Variants in PKHD1 observed in about 807,000 individuals in gnomAD.
PKHD1 encodes PKHD1 ciliary IPT domain containing fibrocystin/polyductin.
In PKHD1, 291 loss-of-function variants were observed where a neutral mutation model predicts 412.0. The observed-to-expected ratio is 0.71, with a 90% CI of 0.64 to 0.78. The LOEUF is 0.78. Ranked by LOEUF, PKHD1 falls within the 30% of genes least tolerant of loss-of-function variation. The pLI is 0.00. For missense variants in PKHD1, 4,825 were observed against 4,950.7 expected (o/e 0.97, Z 0.76); for synonymous variants, 1,777 against 1,821.5 (o/e 0.98, Z 0.62).
intron 60 of PKHD1, among the ~76,000 whole-genome samples, chr6:51,736,594 C>A (rs1251578791): frequency 2.0e-5 from 3 of 152,156 alleles, no homozygotes; most frequent in African/African-American, 4.8e-5. Context: ...TAAATATCTG[C>A]TGAAATTAAA....
chr6:51,887,452 T>C (rs1326913102), intron 43 of PKHD1, among the ~76,000 whole-genome samples: 3 of 152,184 alleles, frequency 2.0e-5, no homozygotes, highest in African/African-American at 7.2e-5. Context: ...CCTGCCCATA[T>C]CTCAGGTTGA....
At chr6:51,971,064 ATTTG>A (rs1436281760) in intron 35 of PKHD1, among the ~76,000 whole-genome samples, 1 of 152,064 alleles carries the variant, frequency 6.6e-6, no homozygotes, top group Non-Finnish European at 1.5e-5. Flanking sequence ...TGTTTTTTCC[ATTTG>A]TTTGTGTCAT....
At position 52,083,051 on chromosome 6, in the gene PKHD1, C is replaced by T. The variant is rs1328087553; in HGVS notation, c.130+127G>A. ...TCTAGAAAGACAGAAGTTGGTCAGTCTGTTCGTCTCCCTTCAGGCCCACTT... is the reference window on the plus strand; with the variant it reads ...TCTAGAAAGACAGAAGTTGGTCAGTTTGTTCGTCTCCCTTCAGGCCCACTT... On this transcript the variant is annotated intron_variant, in intron 3 of 66. Coordinates refer to ENST00000371117, the MANE Select transcript of PKHD1 (RefSeq NM_138694.4). 4 of 730,990 alleles carry T rather than the reference C, an allele frequency of 5.5e-6. No individual in the cohort carries two copies. In the Admixed American group the frequency reaches 7.7e-5, roughly 14 times the overall value. 45.3% of individuals were successfully genotyped at this position (730,990 alleles called of 1,614,324 possible). A position where few individuals can be genotyped will look rare whatever the true frequency, so the allele number is the denominator to read the frequency against.
chr6:51,805,294 TA>T (rs1763593675), intron 52 of PKHD1, among the ~76,000 whole-genome samples: 1 of 152,134 alleles, frequency 6.6e-6, no homozygotes, highest in Non-Finnish European at 1.5e-5. Context: ...AACTAAATAC[TA>T]CATGTTCTCA....
chr6:51,940,449 TTAC>T (rs1788312529), intron 36 of PKHD1, among the ~76,000 whole-genome samples: 1 of 151,698 alleles, frequency 6.6e-6, no homozygotes, highest in African/African-American at 2.4e-5. Flanking sequence ...CCCCAGGAGC[TTAC>T]TACAAGTGCT....
intron 60 of PKHD1, among the ~76,000 whole-genome samples, chr6:51,677,243 C>A (rs991902464): frequency 2.0e-5 from 3 of 152,126 alleles, no homozygotes; most frequent in Non-Finnish European, 4.4e-5. Flanking sequence ...AATTCATTTT[C>A]AGATTGCCTT....
chr6:52,042,017 A>T (rs896140251), intron 27 of PKHD1, among the ~76,000 whole-genome samples: 6 of 152,136 alleles, frequency 3.9e-5, no homozygotes, highest in African/African-American at 1.4e-4. Context: ...AGAAAACTAC[A>T]CTATGCCCTA....
chr6:51,714,428 AAC>A (rs1306732299), intron 60 of PKHD1, among the ~76,000 whole-genome samples: 1 of 152,058 alleles, frequency 6.6e-6, no homozygotes, highest in Non-Finnish European at 1.5e-5. Flanking sequence ...CCTTCCAATG[AAC>A]ACTCACCTTT....
chr6:51,952,435 G>A (rs918228982), intron 36 of PKHD1, among the ~76,000 whole-genome samples: 4 of 152,024 alleles, frequency 2.6e-5, no homozygotes, highest in African/African-American at 4.8e-5. Context: ...TACCTGTTTC[G>A]TGCCTGGAGA....
Position 52,070,524 on chromosome 6 carries a change from A to G in PKHD1, c.668-79T>C, listed in dbSNP as rs558987427. On this transcript the variant is annotated intron_variant, in intron 9 of 66. Coordinates refer to ENST00000371117, the MANE Select transcript of PKHD1 (RefSeq NM_138694.4). ...CCAGGCCATTGCTTTCATAAGCCCA[A>G]AGACTCCAATATCATCAAATTACCA... 1.1e-5 allele frequency: 11 copies of G among 1,031,906 alleles called. No individual in the cohort carries two copies. The East Asian group carries it at 2.6e-4, about 25-fold the overall frequency. The allele number at this position is 1,031,906 out of a possible 1,614,324, so 63.9% of individuals were successfully genotyped here.
chr6:52,065,083 G>T (rs1294123988), intron 12 of PKHD1, 33 bp from the exon 13 acceptor site: 1 of 990,672 alleles, frequency 1.0e-6, no homozygotes, highest in Non-Finnish European at 1.5e-6. Context: ...ATGTATGTGT[G>T]TGTGTGTAGG....
intron 52 of PKHD1, among the ~76,000 whole-genome samples, chr6:51,803,705 G>T (rs1230479896): frequency 1.3e-5 from 2 of 151,318 alleles, no homozygotes; most frequent in African/African-American, 2.5e-5. Context: ...ACTTCACATA[G>T]AGAAGAAATT....
At chr6:52,067,005 A>G (rs961549690) in intron 11 of PKHD1, among the ~76,000 whole-genome samples, 1 of 152,208 alleles carries the variant, frequency 6.6e-6, no homozygotes, top group Non-Finnish European at 1.5e-5. Context: ...CCTACGATCA[A>G]GCTTTGACAT....
Position 51,856,059 on chromosome 6 carries a change from G to C in PKHD1, c.7745C>G (p.Pro2582Arg). ...CATGGTTAAATCATAAGAAACTTCA[G>C]GAGTATTCGCTCTAAGGTGATTTTA... The part of the protein sequence containing the change: ...HRMSIGLANT[P>R]EVSYDLTMTD... Residue 2582 changes from proline (P) to arginine (R), a missense_variant, in exon 49 of 67, where the codon CCT becomes CGT. Transcript: ENST00000371117. 1 of 1,600,172 alleles carries C rather than the reference G, an allele frequency of 6.2e-7. No homozygotes were observed. The highest frequency in any genetic ancestry group is 8.6e-7 in the Non-Finnish European group (1 of 1,167,838).
At chr6:51,972,677 A>G (rs1016969045) in intron 35 of PKHD1, among the ~76,000 whole-genome samples, 24 of 152,218 alleles carry the variant, frequency 1.6e-4, no homozygotes, top group African/African-American at 5.8e-4. Context: ...TGAAGGCATA[A>G]TTGAATTTCT....
chr6:52,003,158 G>T (rs995376128), intron 35 of PKHD1, among the ~76,000 whole-genome samples: 7 of 152,086 alleles, frequency 4.6e-5, no homozygotes, highest in Middle Eastern at 3.2e-3. Flanking sequence ...AAGAAAAGGA[G>T]AATCTTCCTA....
At position 51,653,041 on chromosome 6, in the gene PKHD1, A is replaced by G. The variant is rs182772318; in HGVS notation, c.11175-3821T>C. ...TCTAAATTAAATATATTATGTTTAT[A>G]TACAGGGAAAATGCAAATCTAATAT... On this transcript the variant is annotated intron_variant, in intron 61 of 66. Coordinates refer to ENST00000371117, the MANE Select transcript of PKHD1 (RefSeq NM_138694.4). Among the ~76,000 whole-genome samples the G allele has an allele frequency of 4.8e-4, 73 of 152,272 alleles. 1 individual carries two copies. Among genetic ancestry groups the G allele is most frequent in the African/African-American group, 1.7e-3 (70 of 41,560 alleles).
chr6:51,755,753 T>C (rs775478363), intron 55 of PKHD1, among the ~76,000 whole-genome samples: 4 of 152,196 alleles, frequency 2.6e-5, no homozygotes, highest in Non-Finnish European at 4.4e-5. Flanking sequence ...GTCTCCTCTA[T>C]AGTGAATGTT....
At chr6:51,951,107 C>T (rs1790297974) in intron 36 of PKHD1, among the ~76,000 whole-genome samples, 1 of 152,146 alleles carries the variant, frequency 6.6e-6, no homozygotes, top group Admixed American at 6.5e-5. Flanking sequence ...TTTAAAGGAA[C>T]TCAAACACTA....
Sources: allele counts gnomAD v4.1 joint callset (sites outside exome capture counted in the v4.1 genomes callset), GRCh38; gene constraint gnomAD v4.1.1; transcripts MANE v1.5; gene names NCBI Gene and HGNC (gene_info 2026-07-23, HGNC 2026-07-21).